The following RBFOX1 variants were observed in gnomAD, a reference collection of about 807,000 sequenced individuals.
The protein encoded by RBFOX1 is RNA binding protein fox-1 homolog 1.
In RBFOX1, 8 loss-of-function variants were observed where a neutral mutation model predicts 57.7. The ratio of observed to expected loss-of-function variants is 0.14; its 90% CI spans 0.08 to 0.25. The LOEUF is 0.25. RBFOX1 is among the 10% of genes least tolerant of loss of function. The probability of loss-of-function intolerance (pLI) is 1.00; values close to 1 mark genes in which losing one functional copy is unlikely to be tolerated. For missense variants in RBFOX1, 611 were observed against 548.5 expected (o/e 1.11, Z -1.14); for synonymous variants, 326 against 222.4 (o/e 1.47, Z -4.15).
intron 4 of RBFOX1, among the ~76,000 whole-genome samples, chr16:7,334,838 A>G (rs575640798): frequency 3.9e-5 from 6 of 152,312 alleles, no homozygotes; most frequent in African/African-American, 1.4e-4. Flanking sequence ...TTTGGAAAGA[A>G]CAAGTGGTCT....
chr16:6,003,988 G>C (rs2060649051), intron 4 of RBFOX1, among the ~76,000 whole-genome samples: 1 of 152,158 alleles, frequency 6.6e-6, no homozygotes, highest in Non-Finnish European at 1.5e-5. Flanking sequence ...TGGGTTTATT[G>C]AGAGTTTATT....
intron 4 of RBFOX1, among the ~76,000 whole-genome samples, chr16:7,460,897 T>C (rs964358429): frequency 1.3e-5 from 2 of 152,288 alleles, no homozygotes; most frequent in African/African-American, 4.8e-5. Flanking sequence ...ACAAGTTCCC[T>C]AGTGATATGA....
At chr16:6,915,550 CTTT>C (rs141753685) in intron 3 of RBFOX1, among the ~76,000 whole-genome samples, 2,930 of 123,436 alleles carry the variant, frequency 0.024, 56 homozygotes, top group African/African-American at 0.064. Context: ...CCACACCCCC[CTTT>C]TTTTTTTTTT....
chr16:5,691,483 A>C (rs1470982033), intron 3 of RBFOX1, among the ~76,000 whole-genome samples: 1 of 152,220 alleles, frequency 6.6e-6, no homozygotes, highest in African/African-American at 2.4e-5. Context: ...GGCAACTTTT[A>C]AAATATGTAT....
At chr16:7,215,958 T>C (rs945309354) in intron 4 of RBFOX1, among the ~76,000 whole-genome samples, 8 of 152,180 alleles carry the variant, frequency 5.3e-5, no homozygotes, top group East Asian at 1.9e-4. Flanking sequence ...TTCCTGACCT[T>C]GTGATCCGCA....
At chr16:5,366,658 C>A (rs1290323144) in intron 1 of RBFOX1, 4 of 431,120 alleles carry the variant, frequency 9.3e-6, no homozygotes, top group East Asian at 6.5e-5. Context: ...GGAGGCTATT[C>A]CCGATCTCTG....
intron 1 of RBFOX1, among the ~76,000 whole-genome samples, chr16:6,188,418 CAAAAAAAAA>C (rs57875210): frequency 2.4e-5 from 3 of 124,144 alleles, no homozygotes; most frequent in Non-Finnish European, 3.5e-5. Flanking sequence ...TTGTTTTAGC[CAAAAAAAAA>C]AAAAAAAAAA....
chr16:6,980,824 C>G (rs530762810), intron 3 of RBFOX1, among the ~76,000 whole-genome samples: 1 of 152,096 alleles, frequency 6.6e-6, no homozygotes, highest in Non-Finnish European at 1.5e-5. Flanking sequence ...AGGCGGATCA[C>G]TTCAGGTCAG....
intron 4 of RBFOX1, among the ~76,000 whole-genome samples, chr16:7,388,310 A>G (rs1254406539): frequency 6.6e-6 from 1 of 152,202 alleles, no homozygotes; most frequent in Non-Finnish European, 1.5e-5. Context: ...TTCTGGGGAA[A>G]TTCCTGAATA....
intron 1 of RBFOX1, among the ~76,000 whole-genome samples, chr16:6,084,890 A>C (rs759253355): frequency 6.6e-6 from 1 of 152,202 alleles, no homozygotes; most frequent in Non-Finnish European, 1.5e-5. Flanking sequence ...GCTAATGGCC[A>C]GATAAGTGCT....
chr16:5,497,468 A>C (rs960940168), intron 2 of RBFOX1, among the ~76,000 whole-genome samples: 1 of 152,094 alleles, frequency 6.6e-6, no homozygotes, highest in Non-Finnish European at 1.5e-5. Context: ...AAGCACTTTT[A>C]GCCAAGAGAA....
chr16:6,763,239 A>G (rs138749141), intron 3 of RBFOX1, among the ~76,000 whole-genome samples: 135 of 152,344 alleles, frequency 8.9e-4, no homozygotes, highest in African/African-American at 3.2e-3. Flanking sequence ...GAAGGAATGA[A>G]TTAATCAATA....
chr16:5,696,197 C>A (rs1238203722), intron 3 of RBFOX1, among the ~76,000 whole-genome samples: 1 of 152,120 alleles, frequency 6.6e-6, no homozygotes, highest in East Asian at 1.9e-4. Flanking sequence ...CATGAAAGAG[C>A]TGATGCCTCT....
intron 1 of RBFOX1, among the ~76,000 whole-genome samples, chr16:6,076,129 T>G (rs1488323724): frequency 6.6e-6 from 1 of 152,004 alleles, no homozygotes. Flanking sequence ...AGAAATCCCA[T>G]CTCTAATAAA....
chr16:5,464,225 G>C (rs115019192), intron 1 of RBFOX1, among the ~76,000 whole-genome samples: 63 of 152,322 alleles, frequency 4.1e-4, no homozygotes, highest in Middle Eastern at 6.8e-3. Flanking sequence ...AGGATGGTCC[G>C]TTGAGTCTGG....
At chr16:5,542,217 C>T (rs2044985758) in intron 2 of RBFOX1, among the ~76,000 whole-genome samples, 1 of 149,934 alleles carries the variant, frequency 6.7e-6, no homozygotes, top group Admixed American at 6.7e-5. Context: ...TGCTTATAGT[C>T]ATTTCAATTT....
chr16:7,508,082 G>A (rs931213446), intron 4 of RBFOX1, among the ~76,000 whole-genome samples: 1 of 152,004 alleles, frequency 6.6e-6, no homozygotes, highest in Admixed American at 6.5e-5. Flanking sequence ...CACCTCCCGG[G>A]TTCAAGCGAT....
At chr16:5,884,771 T>C (rs2057855444) in intron 4 of RBFOX1, among the ~76,000 whole-genome samples, 1 of 151,898 alleles carries the variant, frequency 6.6e-6, no homozygotes, top group Non-Finnish European at 1.5e-5. Flanking sequence ...ATCCTGATGG[T>C]GGGTAGATGG....
chr16:5,943,839 A>G (rs1408192407), intron 4 of RBFOX1, among the ~76,000 whole-genome samples: 2 of 151,702 alleles, frequency 1.3e-5, no homozygotes, highest in East Asian at 1.9e-4. Flanking sequence ...CGACCCACCC[A>G]TTTATCCACC....
Sources: allele counts gnomAD v4.1 joint callset (sites outside exome capture counted in the v4.1 genomes callset), GRCh38; gene constraint gnomAD v4.1.1; transcripts MANE v1.5; gene names NCBI Gene and HGNC (gene_info 2026-07-23, HGNC 2026-07-21).